Variants in HECW2 observed in about 807,000 individuals in gnomAD.
HECW2 encodes E3 ubiquitin-protein ligase HECW2.
Under a neutral mutation model 175.2 loss-of-function variants are expected in HECW2, and 61 were observed. That is an observed-to-expected ratio of 0.35 (90% CI 0.28 to 0.43). HECW2 has a LOEUF of 0.43. Ranked by LOEUF, HECW2 falls within the 20% of genes least tolerant of loss-of-function variation. The pLI, the probability that HECW2 is intolerant of heterozygous loss-of-function variation, is 1.00. For missense variants in HECW2, 1,524 were observed against 2,000.5 expected (o/e 0.76, Z 4.54); for synonymous variants, 671 against 731.0 (o/e 0.92, Z 1.32).
At chr2:196,576,221 A>G (rs1690557986) in intron 1 of HECW2, among the ~76,000 whole-genome samples, 1 of 152,186 alleles carries the variant, frequency 6.6e-6, no homozygotes, top group South Asian at 2.1e-4. Context: ...TATACCATAT[A>G]GCCTAAGTGT....
intron 1 of HECW2, among the ~76,000 whole-genome samples, chr2:196,454,689 T>A (rs1696450787): frequency 6.6e-6 from 1 of 152,194 alleles, no homozygotes; most frequent in Non-Finnish European, 1.5e-5. Flanking sequence ...ACACTGAATG[T>A]TATCCATCTT....
intron 1 of HECW2, among the ~76,000 whole-genome samples, chr2:196,457,291 C>G (rs779978388): frequency 2.0e-5 from 3 of 152,228 alleles, no homozygotes; most frequent in Non-Finnish European, 4.4e-5. Flanking sequence ...CTCGCCTGAT[C>G]CATTCATTTT....
At chr2:196,498,002 T>C (rs975219783) in intron 1 of HECW2, among the ~76,000 whole-genome samples, 1 of 152,256 alleles carries the variant, frequency 6.6e-6, no homozygotes, top group Non-Finnish European at 1.5e-5. Context: ...ATCTTCACTC[T>C]AAAGCCCCCT....
At chr2:196,564,918 A>G (rs1278395408) in intron 1 of HECW2, among the ~76,000 whole-genome samples, 3 of 151,102 alleles carry the variant, frequency 2.0e-5, no homozygotes, top group Non-Finnish European at 4.4e-5. Flanking sequence ...TAGACAATAC[A>G]TTAAAAGTTG....
rs558746953 is a variant in HECW2, at chr2:196,284,987, TAAC to T, written c.3001-6328_3001-6326del. Among the ~76,000 whole-genome samples, 409 of 152,320 alleles carry T rather than the reference TAAC, an allele frequency of 2.7e-3. 4 individuals carry two copies. The highest frequency in any genetic ancestry group is 9.5e-3 in the African/African-American group (396 of 41,568). On this transcript the variant is annotated intron_variant, in intron 14 of 28. Transcript: ENST00000644978. The stretch of plus-strand genomic sequence containing the variant: ...TCAAGCTTTACAGTGCTGGGCCAAC[TAAC>T]AACTCAAAAACTGAAAGGAATGCAA...
chr2:196,542,043 C>A (rs900279098), intron 1 of HECW2, among the ~76,000 whole-genome samples: 7 of 151,912 alleles, frequency 4.6e-5, no homozygotes, highest in Non-Finnish European at 8.8e-5. Context: ...GTGGGCGGAT[C>A]ACGAGGTCAG....
At position 196,319,089 on chromosome 2, in the gene HECW2, G is replaced by A; in HGVS notation, c.1801C>T (p.Leu601Phe). 6.2e-7 allele frequency: 1 copy of A among 1,604,298 alleles called. No individual in the cohort carries two copies. The highest frequency in any genetic ancestry group is 8.5e-7 in the Non-Finnish European group (1 of 1,175,390). The stretch of plus-strand genomic sequence containing the variant: ...TGGGAAGGCTCAGAGCCCTGATCGA[G>A]AGACTCGGTCTCACTGACGGCTCTT... ...SRRAVSETESLDQGSEPSQVS... is the reference protein window; with the variant it reads ...SRRAVSETESFDQGSEPSQVS... The change falls in exon 9 of 29, where the codon CTC (leucine) becomes TTC (phenylalanine). Residue 601 changes from leucine to phenylalanine, a missense_variant. Leu to Phe is a conservative substitution (Grantham distance 22, BLOSUM62 0). This residue lies in a region of HECW2 where 604 missense variants were observed against 588.3 expected (regional missense o/e 1.03). Transcript: ENST00000644978.
At chr2:196,235,098 G>GT (rs1233660583) in intron 21 of HECW2, among the ~76,000 whole-genome samples, 6 of 64,852 alleles carry the variant, frequency 9.3e-5, no homozygotes, top group South Asian at 7.8e-4. Flanking sequence ...GATTATTTTT[G>GT]TATTTTTTTT....
At chr2:196,488,279 C>A (rs1046033879) in intron 1 of HECW2, among the ~76,000 whole-genome samples, 5 of 152,100 alleles carry the variant, frequency 3.3e-5, no homozygotes, top group Non-Finnish European at 7.4e-5. Context: ...ACAATAAAAA[C>A]CAGTAAGAGT....
At chr2:196,297,013 T>A (rs1383716594) in intron 13 of HECW2, among the ~76,000 whole-genome samples, 2 of 152,182 alleles carry the variant, frequency 1.3e-5, no homozygotes, top group Non-Finnish European at 2.9e-5. Context: ...GAATCTGATA[T>A]TTTACTTGAA....
Position 196,433,350 on chromosome 2 carries a change from G to A in HECW2, c.74C>T (p.Pro25Leu). Residue 25 changes from proline (P) to leucine (L), a missense_variant, in exon 2 of 29, where the codon CCA becomes CTA. Transcript: ENST00000644978. ...RNPQMRYTLS[P>L]ENLQSLAAQS... Reference sequence around the variant, plus strand: ...GGCGGCAAGGCTCTGGAGGTTCTCTGGGCTCAATGTGTACCGCATCTGGGG... The same window carrying A: ...GGCGGCAAGGCTCTGGAGGTTCTCTAGGCTCAATGTGTACCGCATCTGGGG... The A allele has an allele frequency of 1.2e-6, 2 of 1,614,134 alleles. No homozygotes were observed. The highest frequency in any genetic ancestry group is 1.7e-6 in the Non-Finnish European group (2 of 1,180,008).
intron 1 of HECW2, among the ~76,000 whole-genome samples, chr2:196,587,039 T>C (rs547198861): frequency 6.6e-6 from 1 of 152,322 alleles, no homozygotes; most frequent in East Asian, 1.9e-4. Context: ...TCTTTAACTT[T>C]CCAGCTGATT....
chr2:196,560,071 A>G (rs1689943183), intron 1 of HECW2, among the ~76,000 whole-genome samples: 1 of 152,142 alleles, frequency 6.6e-6, no homozygotes, highest in Non-Finnish European at 1.5e-5. Context: ...CAAAATGCAG[A>G]TTTTGATTCA....
At chr2:196,534,743 T>C (rs969151222) in intron 1 of HECW2, among the ~76,000 whole-genome samples, 4 of 152,174 alleles carry the variant, frequency 2.6e-5, no homozygotes, top group African/African-American at 7.2e-5. Flanking sequence ...CAGAAAGCAC[T>C]TCCATTGTCA....
intron 1 of HECW2, among the ~76,000 whole-genome samples, chr2:196,525,455 T>C (rs1262695301): frequency 5.6e-4 from 84 of 150,332 alleles, no homozygotes; most frequent in Non-Finnish European, 2.7e-4. Flanking sequence ...TGTCTTTTAA[T>C]TGGATAATTT....
At chr2:196,217,489 G>A (rs758923052) in intron 26 of HECW2, 12 of 157,396 alleles carry the variant, frequency 7.6e-5, no homozygotes, top group Non-Finnish European at 1.7e-4. Context: ...AAGGTTGGGG[G>A]CATAATGGCA....
At chr2:196,377,426 T>C (rs1390166907) in intron 2 of HECW2, among the ~76,000 whole-genome samples, 1 of 152,174 alleles carries the variant, frequency 6.6e-6, no homozygotes, top group African/African-American at 2.4e-5. Flanking sequence ...CAGTTCCACA[T>C]AGCTAGGGAG....
chr2:196,284,096 A>G (rs942191728), intron 14 of HECW2, among the ~76,000 whole-genome samples: 5 of 151,876 alleles, frequency 3.3e-5, no homozygotes, highest in African/African-American at 1.2e-4. Flanking sequence ...ACCTTATATC[A>G]TACTTTATTT....
intron 14 of HECW2, among the ~76,000 whole-genome samples, chr2:196,284,076 C>A (rs1353249223): frequency 6.6e-6 from 1 of 152,152 alleles, no homozygotes; most frequent in African/African-American, 2.4e-5. Context: ...GTTCTTCCCA[C>A]TCCCCTCACA....
Sources: gnomAD v4.1 joint callset for allele counts (sites outside exome capture counted in the v4.1 genomes callset) on GRCh38, gnomAD v4.1.1 for gene constraint, gnomAD v4.1.1 regional missense constraint, MANE v1.5 for transcripts, NCBI Gene and HGNC (gene_info 2026-07-23, HGNC 2026-07-21) for gene names.